The following NBEA variants were observed in gnomAD, a reference collection of about 807,000 sequenced individuals.
NBEA encodes the protein neurobeachin.
NBEA carries 44 observed loss-of-function variants against 343.4 expected under a neutral mutation model. The ratio of observed to expected loss-of-function variants is 0.13; its 90% CI spans 0.10 to 0.16. The LOEUF (loss-of-function observed/expected upper bound fraction) is 0.16. Among genes scored for constraint, NBEA ranks in the 10% least tolerant of loss-of-function variants. The pLI, the probability that NBEA is intolerant of heterozygous loss-of-function variation, is 1.00. For missense variants in NBEA, 2,555 were observed against 3,631.3 expected (o/e 0.70, Z 7.62); for synonymous variants, 1,175 against 1,238.7 (o/e 0.95, Z 1.08).
intron 1 of NBEA, among the ~76,000 whole-genome samples, chr13:35,037,028 A>G (rs1012154848): frequency 1.9e-4 from 29 of 152,040 alleles, no homozygotes; most frequent in Non-Finnish European, 4.3e-4. Flanking sequence ...AAAGGCCAGT[A>G]CCTCTTAGAT....
At chr13:35,046,009 C>T (rs1374368054) in intron 4 of NBEA, among the ~76,000 whole-genome samples, 3 of 152,146 alleles carry the variant, frequency 2.0e-5, no homozygotes. Context: ...CAGGTGTGAG[C>T]CACTGCACCC....
At chr13:35,521,625 C>T (rs763533825) in intron 41 of NBEA, among the ~76,000 whole-genome samples, 4 of 152,276 alleles carry the variant, frequency 2.6e-5, no homozygotes, top group East Asian at 1.9e-4. Flanking sequence ...TGGATCTCCC[C>T]GCTAGAAACC....
At chr13:35,308,330 T>C (rs1397975238) in intron 35 of NBEA, among the ~76,000 whole-genome samples, 1 of 150,006 alleles carries the variant, frequency 6.7e-6, no homozygotes, top group Non-Finnish European at 1.5e-5. Context: ...GGGCCATGAC[T>C]GGTCAATAAA....
At chr13:35,406,352 G>T (rs972156887) in intron 38 of NBEA, among the ~76,000 whole-genome samples, 7 of 145,858 alleles carry the variant, frequency 4.8e-5, no homozygotes, top group Non-Finnish European at 9.0e-5. Flanking sequence ...GATGGTGTTT[G>T]GTTACATGAA....
intron 4 of NBEA, among the ~76,000 whole-genome samples, 182 bp from the exon 5 acceptor site, chr13:35,048,381 A>G (rs561428572): frequency 6.6e-6 from 1 of 152,090 alleles, no homozygotes; most frequent in East Asian, 1.9e-4. Flanking sequence ...TAATCAACAA[A>G]TACTATTTAG....
At chr13:35,619,080 C>A (rs2082863566) in intron 48 of NBEA, among the ~76,000 whole-genome samples, 1 of 148,942 alleles carries the variant, frequency 6.7e-6, no homozygotes, top group African/African-American at 2.5e-5. Flanking sequence ...GTAGATTATA[C>A]CCCAAATGCA....
intron 11 of NBEA, among the ~76,000 whole-genome samples, chr13:35,106,637 A>C (rs1003965239): frequency 2.0e-5 from 3 of 152,136 alleles, no homozygotes; most frequent in Admixed American, 6.6e-5. Context: ...TTACAATCCA[A>C]AATTGTAGGA....
At chr13:34,976,297 A>G (rs2060171920) in intron 1 of NBEA, among the ~76,000 whole-genome samples, 2 of 152,180 alleles carry the variant, frequency 1.3e-5, no homozygotes, top group Admixed American at 1.3e-4. Flanking sequence ...CTTGCAGACT[A>G]TTATTCTAAG....
intron 49 of NBEA, among the ~76,000 whole-genome samples, chr13:35,629,394 A>ATACCTC (rs1326197480): frequency 1.3e-5 from 2 of 152,226 alleles, no homozygotes; most frequent in African/African-American, 4.8e-5. Context: ...TATTTCTTAT[A>ATACCTC]TACCTCTATA....
chr13:35,547,766 G>A (rs1313038976), intron 41 of NBEA, among the ~76,000 whole-genome samples: 1 of 152,080 alleles, frequency 6.6e-6, no homozygotes, highest in African/African-American at 2.4e-5. Flanking sequence ...GCACGCATCT[G>A]TAATTCCAGC....
intron 36 of NBEA, among the ~76,000 whole-genome samples, chr13:35,329,460 A>C (rs144347341): frequency 1.2e-3 from 183 of 152,130 alleles, no homozygotes; most frequent in African/African-American, 4.3e-3. Context: ...CAACAGGTAA[A>C]TGGTTACTCA....
chr13:35,084,342 C>T (rs1031848334), intron 10 of NBEA, among the ~76,000 whole-genome samples: 3 of 151,522 alleles, frequency 2.0e-5, no homozygotes, highest in Non-Finnish European at 4.4e-5. Context: ...CACTCCTCAG[C>T]AAATGTAAAA....
Position 35,117,466 on chromosome 13 carries a change from A to T in NBEA, c.2055A>T (p.Leu685=). 7.3e-7 allele frequency: 1 copy of T among 1,378,812 alleles called. No individual in the cohort carries two copies. The highest frequency in any genetic ancestry group is 9.5e-7 in the Non-Finnish European group (1 of 1,052,190). 85.4% of individuals were successfully genotyped at this position (1,378,812 alleles called of 1,614,324 possible). The change falls in exon 14 of 59, where the codon CTA becomes CTT. Residue 685 remains leucine, a synonymous_variant. Coordinates refer to ENST00000379939, the MANE Select transcript of NBEA (RefSeq NM_001385012.1). ...TTATATCACTGAGGGCATTTATGCTACTTTTTCTGAAACAGCTGATACTAA... is the reference window on the plus strand; with the variant it reads ...TTATATCACTGAGGGCATTTATGCTTCTTTTTCTGAAACAGCTGATACTAA... The part of the protein sequence containing the change: ...KEIISLRAFM[L]LFLKQLILKD...
chr13:35,662,968 C>T (rs1192460407), intron 55 of NBEA, among the ~76,000 whole-genome samples: 1 of 152,130 alleles, frequency 6.6e-6, no homozygotes, highest in East Asian at 1.9e-4. Context: ...TAAAATCTTA[C>T]AAATACTTTT....
intron 34 of NBEA, among the ~76,000 whole-genome samples, chr13:35,258,513 TA>T (rs2032879530): frequency 6.8e-6 from 1 of 147,148 alleles, no homozygotes; most frequent in Non-Finnish European, 1.5e-5. Flanking sequence ...TTAAAAACCA[TA>T]AAATCTGTTC....
At chr13:35,664,654 T>G (rs2085263559) in intron 55 of NBEA, among the ~76,000 whole-genome samples, 1 of 152,354 alleles carries the variant, frequency 6.6e-6, no homozygotes, top group South Asian at 2.1e-4. Context: ...CTGTATGAAC[T>G]TGGGCAAGTT....
chr13:35,094,501 G>C (rs1214732859), intron 10 of NBEA, among the ~76,000 whole-genome samples: 4 of 152,054 alleles, frequency 2.6e-5, no homozygotes, highest in Non-Finnish European at 5.9e-5. Context: ...TATACCTGGA[G>C]TTAGAAACAT....
At chr13:35,441,450 T>C (rs1197424307) in intron 39 of NBEA, among the ~76,000 whole-genome samples, 1 of 152,196 alleles carries the variant, frequency 6.6e-6, no homozygotes, top group Non-Finnish European at 1.5e-5. Context: ...TAAAATACAA[T>C]ATAAATGCTA....
At chr13:35,530,092 T>C (rs1042875041) in intron 41 of NBEA, among the ~76,000 whole-genome samples, 2 of 152,248 alleles carry the variant, frequency 1.3e-5, no homozygotes, top group Admixed American at 1.3e-4. Context: ...GTATCTGTTT[T>C]TCTGTAATGA....
Sources: gnomAD v4.1 joint callset for allele counts (sites outside exome capture counted in the v4.1 genomes callset) on GRCh38, gnomAD v4.1.1 for gene constraint, MANE v1.5 for transcripts, NCBI Gene and HGNC (gene_info 2026-07-23, HGNC 2026-07-21) for gene names.